TOX: variants seen among roughly 807,000 people sequenced by gnomAD.
TOX encodes thymocyte selection associated high mobility group box.
A neutral mutation model predicts 53.7 loss-of-function variants in TOX; 11 were observed. The ratio of observed to expected loss-of-function variants is 0.20; its 90% CI spans 0.13 to 0.34. TOX has a LOEUF of 0.34. Among genes scored for constraint, TOX ranks in the 10% least tolerant of loss-of-function variants. TOX has a pLI of 1.00. For synonymous variants in TOX, 225 were observed against 245.3 expected (o/e 0.92, Z 0.77); for missense variants, 570 against 664.6 (o/e 0.86, Z 1.56).
chr8:58,973,692 T>C (rs1813041856), intron 1 of TOX, among the ~76,000 whole-genome samples: 2 of 152,238 alleles, frequency 1.3e-5, no homozygotes, highest in Admixed American at 6.5e-5. Flanking sequence ...AAGTTTTGTT[T>C]TGGTTTTGTT....
At chr8:58,871,425 T>C (rs1188194669) in intron 3 of TOX, among the ~76,000 whole-genome samples, 2 of 152,056 alleles carry the variant, frequency 1.3e-5, no homozygotes, top group East Asian at 1.9e-4. Context: ...ATTTAGGACA[T>C]TGGGGGAATC....
chr8:58,906,520 G>T (rs187065509), intron 3 of TOX, among the ~76,000 whole-genome samples: 10 of 152,066 alleles, frequency 6.6e-5, no homozygotes, highest in Non-Finnish European at 1.0e-4. Flanking sequence ...CTTGCTGATC[G>T]CAATTACAAT....
chr8:59,094,222 T>G (rs1379592071), intron 1 of TOX, among the ~76,000 whole-genome samples: 1 of 152,222 alleles, frequency 6.6e-6, no homozygotes, highest in African/African-American at 2.4e-5. Flanking sequence ...TGGATGTTAT[T>G]ACTAGAAGTG....
intron 1 of TOX, among the ~76,000 whole-genome samples, chr8:59,030,368 CT>C (rs1814332303): frequency 6.6e-6 from 1 of 152,200 alleles, no homozygotes; most frequent in Non-Finnish European, 1.5e-5. Context: ...CTTAAGCGCA[CT>C]GCACAGTTGC....
rs1810374668 is a variant in TOX, at chr8:58,826,844, T to C, written c.983A>G (p.Tyr328Cys). The change falls in exon 6 of 9, where the codon TAC becomes TGC. Residue 328 changes from tyrosine to cysteine, a missense_variant. By Grantham distance (194) the Tyr-to-Cys change is radical. Around this residue, in one of 3 missense-constraint regions of TOX, gnomAD observed 49 missense variants for 98.9 expected, o/e 0.50. Transcript: ENST00000361421. ...KKEYLKQLAA[Y>C]RASLVSKSYS... ...TACCTTGGATACAAGGCTGGCTCTG[T>C]ATGCTGCGAGTTGCTTCAGGTACTC... The C allele has an allele frequency of 6.2e-7, 1 of 1,611,766 alleles. No individual in the cohort carries two copies.
At chr8:59,019,578 A>T (rs988342642) in intron 1 of TOX, among the ~76,000 whole-genome samples, 22 of 152,334 alleles carry the variant, frequency 1.4e-4, no homozygotes, top group African/African-American at 4.6e-4. Flanking sequence ...ATGAAATTTA[A>T]TTTGTGTCTC....
chr8:58,810,265 A>G (rs780617201), intron 7 of TOX, among the ~76,000 whole-genome samples: 5 of 152,138 alleles, frequency 3.3e-5, no homozygotes, highest in Middle Eastern at 3.2e-3. Flanking sequence ...TGGTCTCCCA[A>G]AGTGCTGGGA....
chr8:58,869,362 T>C (rs192038697), intron 3 of TOX, among the ~76,000 whole-genome samples: 1 of 151,872 alleles, frequency 6.6e-6, no homozygotes, highest in Admixed American at 6.6e-5. Flanking sequence ...GAAACTGACA[T>C]CCCAAATAAT....
chr8:59,047,389 T>A (rs1803710008), intron 1 of TOX, among the ~76,000 whole-genome samples: 1 of 150,978 alleles, frequency 6.6e-6, no homozygotes, highest in African/African-American at 2.4e-5. Context: ...GCTAATTTTT[T>A]TTTTATTTTT....
intron 1 of TOX, among the ~76,000 whole-genome samples, chr8:59,071,136 A>G (rs1479405811): frequency 6.6e-6 from 1 of 152,298 alleles, no homozygotes; most frequent in Admixed American, 6.5e-5. Context: ...TGGGGCGGGT[A>G]TCTATTAAAG....
At chr8:58,812,537 T>A (rs1466944041) in intron 7 of TOX, among the ~76,000 whole-genome samples, 2 of 152,250 alleles carry the variant, frequency 1.3e-5, no homozygotes, top group African/African-American at 4.8e-5. Context: ...TTCAGGTCAC[T>A]GTGCCAGCCC....
intron 1 of TOX, among the ~76,000 whole-genome samples, chr8:59,023,561 T>A (rs115033105): frequency 0.016 from 2,363 of 152,276 alleles, 64 homozygotes; most frequent in African/African-American, 0.053. Flanking sequence ...TAAAGGACCC[T>A]ATTATTTTTC....
Position 58,942,700 on chromosome 8 carries a change from A to G in TOX, c.169-3156T>C, listed in dbSNP as rs376899055. 1.1e-3 allele frequency among the ~76,000 whole-genome samples: 165 copies of G among 152,352 alleles called. 2 individuals are homozygous for G. Among genetic ancestry groups the G allele is most frequent in the African/African-American group, 3.8e-3 (157 of 41,570 alleles). On this transcript the variant is annotated intron_variant, in intron 2 of 8. Transcript: ENST00000361421. The stretch of plus-strand genomic sequence containing the variant: ...CTTTATTTTGATTTTTAAAAAATAA[A>G]GATACATTTAACTTAACAATAGTTT...
intron 1 of TOX, among the ~76,000 whole-genome samples, chr8:58,972,834 C>G (rs983081863): frequency 2.0e-5 from 3 of 152,066 alleles, no homozygotes; most frequent in African/African-American, 4.8e-5. Context: ...ATCTTTTTAC[C>G]ATTAAGTAAA....
intron 1 of TOX, among the ~76,000 whole-genome samples, chr8:59,055,399 G>A (rs1803872666): frequency 6.6e-6 from 1 of 152,180 alleles, no homozygotes; most frequent in African/African-American, 2.4e-5. Flanking sequence ...CCACATGAAT[G>A]CTGTCCCTTC....
intron 4 of TOX, among the ~76,000 whole-genome samples, chr8:58,844,981 T>C (rs1263112634): frequency 6.6e-6 from 1 of 152,128 alleles, no homozygotes; most frequent in Non-Finnish European, 1.5e-5. Flanking sequence ...ATTTAACTTA[T>C]TTATCACAAG....
rs77479736 is a variant in TOX at position 59,051,782 on chromosome 8, T to C, written c.102+67104A>G. Among the ~76,000 whole-genome samples, 842 of 152,326 alleles carry C rather than the reference T, an allele frequency of 5.5e-3. 13 individuals carry two copies. Among genetic ancestry groups the C allele is most frequent in the African/African-American group, 0.019 (806 of 41,592 alleles). ...ACTTCTCACTGAAGTAATAAAATGA[T>C]GCAGATGATGGAAAAAGTTGAATTG... On this transcript the variant is annotated intron_variant, in intron 1 of 8. Transcript: ENST00000361421.
intron 1 of TOX, among the ~76,000 whole-genome samples, chr8:59,054,649 C>A (rs1005118370): frequency 1.3e-5 from 2 of 151,928 alleles, no homozygotes; most frequent in African/African-American, 2.4e-5. Context: ...AAGGCCGACT[C>A]GTTACAACTT....
chr8:58,931,003 T>C (rs1309032844), intron 3 of TOX, among the ~76,000 whole-genome samples: 1 of 152,176 alleles, frequency 6.6e-6, no homozygotes, highest in Admixed American at 6.5e-5. Context: ...AAATAATTGA[T>C]ACCCAGGCAG....
Sources: gnomAD v4.1 joint callset for allele counts (sites outside exome capture counted in the v4.1 genomes callset) on GRCh38, gnomAD v4.1.1 for gene constraint, gnomAD v4.1.1 regional missense constraint, MANE v1.5 for transcripts, NCBI Gene and HGNC (gene_info 2026-07-23, HGNC 2026-07-21) for gene names.